The following DST variants were observed in gnomAD, a reference collection of about 807,000 sequenced individuals.
DST encodes the protein bullous pemphigoid antigen.
Under a neutral mutation model 875.2 loss-of-function variants are expected in DST, and 253 were observed. That is an observed-to-expected ratio of 0.29 (90% CI 0.26 to 0.32). DST has a LOEUF of 0.32. DST is among the 10% of genes least tolerant of loss of function. The pLI is 1.00. For missense variants in DST, 8,287 were observed against 9,111.6 expected (o/e 0.91, Z 3.68); for synonymous variants, 3,124 against 3,197.1 (o/e 0.98, Z 0.77).
rs1260442748 is a variant in DST, at chr6:56,639,618, T to C, written c.2698-7A>G. On this transcript the variant is annotated splice_polypyrimidine_tract_variant and splice_region_variant and intron_variant, in intron 20 of 103. Transcript: ENST00000680361. ...CTTGATTCCTGGATGTATTCTTTAG[T>C]AAGGAAAATCATCATAAGAATCATG... The C allele has an allele frequency of 3.1e-6, 5 of 1,613,594 alleles. No individual in the cohort carries two copies. In the Admixed American group the frequency reaches 5.0e-5, roughly 16 times the overall value.
At chr6:56,641,536 C>T (rs761007626) in intron 17 of DST, among the ~76,000 whole-genome samples, 3 of 151,600 alleles carry the variant, frequency 2.0e-5, no homozygotes, top group Non-Finnish European at 4.4e-5. Context: ...TGCAGTGAGC[C>T]GAGATCACAC....
At chr6:56,610,378 T>C (rs1377951852) in intron 39 of DST, 49 bp downstream of exon 39, 6 of 1,415,748 alleles carry the variant, frequency 4.2e-6, no homozygotes, top group Non-Finnish European at 5.7e-6. Flanking sequence ...AGCCATGCAA[T>C]CAAACTAAGC....
rs562082196 is a variant in DST, at chr6:56,779,336, C to T, written c.626-44047G>A. On this transcript the variant is annotated intron_variant, in intron 4 of 103. Coordinates refer to ENST00000680361, the MANE Select transcript of DST (RefSeq NM_001374736.1). The stretch of plus-strand genomic sequence containing the variant: ...AAAATTTCTCCCATTCTGTAGGTTG[C>T]CTGTTCACTTTGATGGTAGTTTCTT... Among the ~76,000 whole-genome samples, 83 of 152,104 alleles carry T rather than the reference C, an allele frequency of 5.5e-4. 4 individuals carry two copies. The South Asian group carries it at 0.017, about 32-fold the overall frequency.
In DST at chr6:56,627,194, ATCTT is replaced by A. The variant is rs754719489; in HGVS notation, c.4722+6_4722+9del. 1.9e-6 allele frequency: 3 copies of A among 1,595,262 alleles called. No homozygotes were observed. The South Asian group carries it at 3.3e-5, about 18-fold the overall frequency. Reference sequence around the variant, plus strand: ...TATTAAATTTTACTAAAGTTAATGAATCTTCCTACCTTCACTGTAGCTGAGTACT... The same window carrying A: ...TATTAAATTTTACTAAAGTTAATGAACCTACCTTCACTGTAGCTGAGTACT... On this transcript the variant is annotated splice_donor_region_variant and intron_variant, in intron 34 of 103. Transcript: ENST00000680361.
At chr6:56,742,238 C>G (rs1355388622) in intron 4 of DST, 1 of 1,231,438 alleles carries the variant, frequency 8.1e-7, no homozygotes, top group East Asian at 5.6e-5. Flanking sequence ...GTTCTGAAAA[C>G]ATGAAAGTGA....
At chr6:56,823,036 T>G (rs1446141272) in intron 4 of DST, among the ~76,000 whole-genome samples, 1 of 152,070 alleles carries the variant, frequency 6.6e-6, no homozygotes, top group Non-Finnish European at 1.5e-5. Context: ...TTTCACCACG[T>G]TGGCCAGGCT....
chr6:56,721,064 G>GT (rs2099413711), intron 5 of DST, among the ~76,000 whole-genome samples: 2 of 146,226 alleles, frequency 1.4e-5, no homozygotes, highest in Admixed American at 6.8e-5. Flanking sequence ...GGGCAGGGGC[G>GT]CCCCCCCCAC....
chr6:56,499,789 T>C (rs910082821), intron 80 of DST, among the ~76,000 whole-genome samples: 7 of 152,166 alleles, frequency 4.6e-5, no homozygotes, highest in African/African-American at 1.2e-4. Context: ...CTGATGTATG[T>C]TACCTTTAAG....
Position 56,509,737 on chromosome 6 carries a change from A to T in DST, c.18917T>A (p.Met6306Lys), listed in dbSNP as rs771484088. 1 of 1,613,628 alleles carries T rather than the reference A, an allele frequency of 6.2e-7. No homozygotes were observed. Among genetic ancestry groups the T allele is most frequent in the Non-Finnish European group, 8.5e-7 (1 of 1,179,742 alleles). The change falls in exon 74 of 104, where the codon ATG becomes AAG. Residue 6306 changes from methionine (M) to lysine (K), a missense_variant. Met to Lys is a moderately conservative substitution (Grantham distance 95). Around this residue, in one of 10 missense-constraint regions of DST, gnomAD observed 1,292 missense variants for 1,552.7 expected, o/e 0.83. Transcript: ENST00000680361. ...TTCATACAACGGCTGTAGCTTTTCC[A>T]TGTCTACTGACACATTCTTATTTTC... Reference protein sequence around the residue: ...ISENKNVSVDMEKLQPLYETL... With the variant: ...ISENKNVSVDKEKLQPLYETL...
At chr6:56,569,526 G>A (rs2097747841) in intron 54 of DST, among the ~76,000 whole-genome samples, 1 of 152,090 alleles carries the variant, frequency 6.6e-6, no homozygotes, top group South Asian at 2.1e-4. Context: ...GCTGAGTGAA[G>A]AGGATGTTTT....
Position 56,843,518 on chromosome 6 carries a change from C to T in DST, c.625+7879G>A, listed in dbSNP as rs952749149. The T allele has an allele frequency of 8.1e-6, 8 of 985,086 alleles. No homozygotes were observed. The African/African-American group carries it at 1.4e-4, about 17-fold the overall frequency. The allele number at this position is 985,086 out of a possible 1,614,324, so 61.0% of individuals were successfully genotyped here. On this transcript the variant is annotated intron_variant, in intron 4 of 103. Transcript: ENST00000680361. ...GCGGGGGCCGGCGGGCGCCCGGACC[C>T]TCTGCGGCCGCGCTGACCGCTCTGC...
At chr6:56,951,445 A>G (rs1272299130) in intron 2 of DST, among the ~76,000 whole-genome samples, 1 of 152,246 alleles carries the variant, frequency 6.6e-6, no homozygotes, top group East Asian at 1.9e-4. Flanking sequence ...AATATTCATT[A>G]TGCTACACAA....
chr6:56,596,318 C>G (rs1011672388), intron 47 of DST, among the ~76,000 whole-genome samples: 1 of 152,096 alleles, frequency 6.6e-6, no homozygotes. Flanking sequence ...TGAGCCACCA[C>G]GCCTGGCCCA....
At chr6:56,766,514 T>C (rs1198320167) in intron 4 of DST, among the ~76,000 whole-genome samples, 4 of 151,744 alleles carry the variant, frequency 2.6e-5, no homozygotes, top group Non-Finnish European at 5.9e-5. Flanking sequence ...TCTCTGCAAT[T>C]GCTGCGGTAT....
intron 9 of DST, among the ~76,000 whole-genome samples, chr6:56,681,098 A>G (rs1445892215): frequency 2.0e-5 from 3 of 152,156 alleles, no homozygotes; most frequent in African/African-American, 7.2e-5. Flanking sequence ...CCACTGCGCT[A>G]TATCTCACAG....
At chr6:56,762,945 G>A (rs935859809) in intron 4 of DST, among the ~76,000 whole-genome samples, 1 of 147,070 alleles carries the variant, frequency 6.8e-6, no homozygotes, top group African/African-American at 2.5e-5. Context: ...GTGCCTCCCC[G>A]GTTCAAGCGA....
chr6:56,677,851 C>T (rs1204975247), intron 9 of DST, among the ~76,000 whole-genome samples: 1 of 152,164 alleles, frequency 6.6e-6, no homozygotes, highest in Non-Finnish European at 1.5e-5. Context: ...TGCTACCATT[C>T]CCAAACTTCC....
At chr6:56,516,036 T>A (rs2152486686) in intron 71 of DST, among the ~76,000 whole-genome samples, 1 of 151,970 alleles carries the variant, frequency 6.6e-6, no homozygotes, top group African/African-American at 2.4e-5. Context: ...AAATTTTTAG[T>A]TAACAAAATT....
intron 4 of DST, among the ~76,000 whole-genome samples, chr6:56,773,552 G>C (rs1169288562): frequency 6.6e-6 from 1 of 152,012 alleles, no homozygotes; most frequent in East Asian, 1.9e-4. Flanking sequence ...GGGAGGTTGG[G>C]GACAGTGGTG....
Sources: allele counts gnomAD v4.1 joint callset (sites outside exome capture counted in the v4.1 genomes callset), GRCh38; gene constraint gnomAD v4.1.1; regional missense constraint gnomAD v4.1.1; transcripts MANE v1.5; gene names NCBI Gene and HGNC (gene_info 2026-07-23, HGNC 2026-07-21).